SYNDIG1: variants seen among roughly 807,000 people sequenced by gnomAD.
SYNDIG1 encodes the protein synapse differentiation inducing 1.
Under a neutral mutation model 19.4 loss-of-function variants are expected in SYNDIG1, and 9 were observed. The ratio of observed to expected loss-of-function variants is 0.46; its 90% CI spans 0.28 to 0.81. The LOEUF is 0.81. Among genes scored for constraint, SYNDIG1 ranks in the 30% least tolerant of loss-of-function variants. The probability of loss-of-function intolerance (pLI) is 0.12; values close to 1 mark genes in which losing one functional copy is unlikely to be tolerated. For synonymous variants in SYNDIG1, 141 were observed against 145.9 expected (o/e 0.97, Z 0.24); for missense variants, 311 against 343.3 (o/e 0.91, Z 0.74).
At chr20:24,497,250 T>C (rs2056326507) in intron 1 of SYNDIG1, among the ~76,000 whole-genome samples, 1 of 152,172 alleles carries the variant, frequency 6.6e-6, no homozygotes, top group Non-Finnish European at 1.5e-5. Flanking sequence ...CTGCCCAGGC[T>C]GAGTGCAGGG....
At chr20:24,620,219 A>G (rs2059017062) in intron 3 of SYNDIG1, among the ~76,000 whole-genome samples, 1 of 152,212 alleles carries the variant, frequency 6.6e-6, no homozygotes, top group African/African-American at 2.4e-5. Context: ...CTACCCATAC[A>G]TGGTGGCATA....
At chr20:24,600,665 G>A (rs1296311969) in intron 3 of SYNDIG1, among the ~76,000 whole-genome samples, 1 of 143,596 alleles carries the variant, frequency 7.0e-6, no homozygotes, top group African/African-American at 2.6e-5. Context: ...AGAGTGCAAT[G>A]GTGCAATGGC....
At chr20:24,590,324 G>T (rs1414816490) in intron 3 of SYNDIG1, among the ~76,000 whole-genome samples, 1 of 152,026 alleles carries the variant, frequency 6.6e-6, no homozygotes, top group African/African-American at 2.4e-5. Flanking sequence ...ATGGGGGTAG[G>T]GGTAACTAAC....
At chr20:24,479,398 C>T (rs997303842) in intron 1 of SYNDIG1, among the ~76,000 whole-genome samples, 5 of 152,184 alleles carry the variant, frequency 3.3e-5, no homozygotes, top group African/African-American at 1.2e-4. Flanking sequence ...GCACAACTGG[C>T]TGCCCTAGAT....
At chr20:24,601,747 C>T (rs2058682415) in intron 3 of SYNDIG1, among the ~76,000 whole-genome samples, 1 of 152,052 alleles carries the variant, frequency 6.6e-6, no homozygotes, top group African/African-American at 2.4e-5. Flanking sequence ...CTACTTTGCT[C>T]CTCATTTCTT....
At chr20:24,573,992 A>C (rs1040395541) in intron 2 of SYNDIG1, among the ~76,000 whole-genome samples, 1 of 152,222 alleles carries the variant, frequency 6.6e-6, no homozygotes, top group Non-Finnish European at 1.5e-5. Context: ...TGCCCCCAGG[A>C]GACCAGGGTC....
chr20:24,560,630 C>CT (rs1469754136), intron 2 of SYNDIG1, among the ~76,000 whole-genome samples: 7 of 144,872 alleles, frequency 4.8e-5, no homozygotes, highest in East Asian at 2.0e-4. Context: ...GCATTGAAGT[C>CT]TTTTTTTTAC....
In SYNDIG1 at chr20:24,547,200, G is replaced by A. The variant is rs367708931; in HGVS notation, c.480+3623G>A. On this transcript the variant is annotated intron_variant, in intron 2 of 3. Transcript: ENST00000376862. ...TTCTGAGCGGGGCTCCCTTGCTGGA[G>A]CTCCTGGGCACTGGGTGGCTGGCTG... Among the ~76,000 whole-genome samples the A allele has an allele frequency of 1.9e-4, 29 of 152,320 alleles. 1 individual carries two copies. In the East Asian group the frequency reaches 4.3e-3, roughly 22 times the overall value.
intron 3 of SYNDIG1, 65 bp from the exon 4 acceptor site, chr20:24,665,281 C>T (rs1433589569): frequency 1.3e-6 from 2 of 1,538,004 alleles, no homozygotes; most frequent in Non-Finnish European, 1.7e-6. Flanking sequence ...CGTAGATGAG[C>T]CCTCCACTCA....
At chr20:24,521,584 A>G (rs2057004461) in intron 1 of SYNDIG1, among the ~76,000 whole-genome samples, 1 of 152,194 alleles carries the variant, frequency 6.6e-6, no homozygotes, top group South Asian at 2.1e-4. Context: ...TGCTAGTATA[A>G]TAAAGGCATA....
intron 1 of SYNDIG1, among the ~76,000 whole-genome samples, chr20:24,519,816 GACAC>G (rs1326162323): frequency 2.0e-5 from 3 of 150,888 alleles, no homozygotes; most frequent in African/African-American, 2.4e-5. Context: ...CAGACAGACA[GACAC>G]ACGCACGCAC....
At chr20:24,470,305 C>G (rs960800429) in intron 1 of SYNDIG1, among the ~76,000 whole-genome samples, 1 of 152,180 alleles carries the variant, frequency 6.6e-6, no homozygotes, top group African/African-American at 2.4e-5. Context: ...ACTAATTCTC[C>G]GAGCGGAGCG....
chr20:24,550,331 C>A (rs1308216828), intron 2 of SYNDIG1, among the ~76,000 whole-genome samples: 3 of 152,098 alleles, frequency 2.0e-5, no homozygotes, highest in Non-Finnish European at 1.5e-5. Context: ...ATTTCGTTTC[C>A]TTTGGATAAA....
chr20:24,618,351 G>A (rs2058981189), intron 3 of SYNDIG1, among the ~76,000 whole-genome samples: 3 of 151,584 alleles, frequency 2.0e-5, no homozygotes, highest in South Asian at 4.2e-4. Context: ...GGAGATCCCG[G>A]GGAGGGGGGA....
At chr20:24,627,025 A>C (rs1334282249) in intron 3 of SYNDIG1, among the ~76,000 whole-genome samples, 1 of 151,966 alleles carries the variant, frequency 6.6e-6, no homozygotes, top group Admixed American at 6.5e-5. Flanking sequence ...AGATGGCAGC[A>C]GCACAGTCCA....
At chr20:24,566,608 A>G (rs916758632) in intron 2 of SYNDIG1, among the ~76,000 whole-genome samples, 1 of 152,148 alleles carries the variant, frequency 6.6e-6, no homozygotes, top group East Asian at 1.9e-4. Flanking sequence ...CTAATCACTA[A>G]TCACTGCACA....
intron 1 of SYNDIG1, among the ~76,000 whole-genome samples, chr20:24,496,747 TC>T (rs1402583939): frequency 6.6e-6 from 1 of 152,222 alleles, no homozygotes; most frequent in Non-Finnish European, 1.5e-5. Flanking sequence ...GTAAAGCTTA[TC>T]CTGACACTAA....
At chr20:24,513,650 T>C (rs1009517014) in intron 1 of SYNDIG1, among the ~76,000 whole-genome samples, 2 of 152,200 alleles carry the variant, frequency 1.3e-5, no homozygotes, top group Non-Finnish European at 2.9e-5. Flanking sequence ...TACGTCTTAT[T>C]GGTGTACCTG....
At chr20:24,644,831 C>T (rs1286505887) in intron 3 of SYNDIG1, among the ~76,000 whole-genome samples, 2 of 152,272 alleles carry the variant, frequency 1.3e-5, no homozygotes, top group East Asian at 1.9e-4. Flanking sequence ...TACTTAGCCA[C>T]AGAACAATAG....
Sources: gnomAD v4.1 joint callset for allele counts (sites outside exome capture counted in the v4.1 genomes callset) on GRCh38, gnomAD v4.1.1 for gene constraint, MANE v1.5 for transcripts, NCBI Gene and HGNC (gene_info 2026-07-23, HGNC 2026-07-21) for gene names.